Variants in FYCO1 observed in about 807,000 individuals in gnomAD.
FYCO1 encodes the protein FYVE and coiled-coil domain autophagy adaptor 1, also known as FYVE and coiled-coil domain-containing protein 1.
In FYCO1, 122 loss-of-function variants were observed where a neutral mutation model predicts 165.1. That is an observed-to-expected ratio of 0.74 (90% CI 0.64 to 0.86). FYCO1 has a LOEUF of 0.86. FYCO1 is among the 40% of genes least tolerant of loss of function. The probability of loss-of-function intolerance (pLI) is 0.00; values close to 1 mark genes in which losing one functional copy is unlikely to be tolerated. For missense variants in FYCO1, 1,702 were observed against 1,810.3 expected (o/e 0.94, Z 1.09); for synonymous variants, 648 against 742.5 (o/e 0.87, Z 2.07).
At chr3:45,974,760 A>ACTGCACACCTGACCTGAGCT (rs1706641835) in intron 5 of FYCO1, among the ~76,000 whole-genome samples, 1 of 152,058 alleles carries the variant, frequency 6.6e-6, no homozygotes, top group African/African-American at 2.4e-5. Flanking sequence ...ACAAAGGCTG[A>ACTGCACACCTGACCTGAGCT]CTGCACACCT....
intron 15 of FYCO1, 112 bp from the exon 16 acceptor site, chr3:45,931,393 G>T: frequency 1.0e-6 from 1 of 976,200 alleles, no homozygotes; most frequent in Non-Finnish European, 1.6e-6. Flanking sequence ...CTCTTGAGAG[G>T]ACAAGCCCTG....
At chr3:45,985,105 C>T in intron 1 of FYCO1, 83 bp from the exon 2 acceptor site, 1 of 680,932 alleles carries the variant, frequency 1.5e-6, no homozygotes, top group Middle Eastern at 3.8e-4. Flanking sequence ...GCTCTGGGCA[C>T]AAAGGTCACC....
At position 45,970,917 on chromosome 3, in the gene FYCO1, T is replaced by C. The variant is rs564954708; in HGVS notation, c.540-1152A>G. On this transcript the variant is annotated intron_variant, in intron 6 of 17. Transcript: ENST00000296137. The stretch of plus-strand genomic sequence containing the variant: ...TATACATATATAAAATATTTACAAA[T>C]ACACAATTAATAATGAAAGCATAAG... Among the ~76,000 whole-genome samples, 7 of 151,978 alleles carry C rather than the reference T, an allele frequency of 4.6e-5. No individual in the cohort carries two copies. In the South Asian group the frequency reaches 1.5e-3, roughly 32 times the overall value.
At chr3:45,926,936 C>T (rs1365991284) in intron 16 of FYCO1, among the ~76,000 whole-genome samples, 1 of 149,920 alleles carries the variant, frequency 6.7e-6, no homozygotes, top group East Asian at 2.0e-4. Flanking sequence ...TGCACTCCAG[C>T]CTGGGCAACA....
chr3:45,964,676 G>C lies in FYCO1; in HGVS notation c.3151-222C>G, dbSNP rs920680421. On this transcript the variant is annotated intron_variant, in intron 9 of 17. Coordinates refer to ENST00000296137, the MANE Select transcript of FYCO1 (RefSeq NM_024513.4). This position sits in a 1 kb window ranked among gnomAD's most constrained non-coding sequence, Gnocchi z 4.1. ...CAAGTGGCAGGTACCAGAATTCCCA[G>C]GGTAACACTGAAGGTAGGGGTGGCA... is the stretch of plus-strand genomic sequence containing the variant. 4 of 376,824 alleles carry C rather than the reference G, an allele frequency of 1.1e-5. No homozygotes were observed. In the Admixed American group the frequency reaches 2.6e-4, roughly 24 times the overall value. The allele number at this position is 376,824 out of a possible 1,614,324, so 23.3% of individuals were successfully genotyped here. A position where few individuals can be genotyped will look rare whatever the true frequency, so the allele number is the denominator to read the frequency against.
intron 6 of FYCO1, among the ~76,000 whole-genome samples, chr3:45,970,249 T>C (rs999077485): frequency 2.6e-5 from 4 of 152,344 alleles, no homozygotes; most frequent in Admixed American, 6.5e-5. Context: ...GAAAGTTCCA[T>C]TGGATGGCAC....
At chr3:45,931,304 G>C in intron 15 of FYCO1, 23 bp from the exon 16 acceptor site, 4 of 1,607,776 alleles carry the variant, frequency 2.5e-6, no homozygotes, top group Non-Finnish European at 3.4e-6. Context: ...TACAGAGAGG[G>C]ACCTGATTGA....
intron 6 of FYCO1, among the ~76,000 whole-genome samples, chr3:45,970,626 G>GCTATATGGTCTCTGTCACTCAA (rs1706369018): frequency 6.6e-6 from 1 of 152,046 alleles, no homozygotes; most frequent in Non-Finnish European, 1.5e-5. Context: ...GGTCTTGTGG[G>GCTATATGGTCTCTGTCACTCAA]CTATATGGTC....
At chr3:45,953,626 G>A (rs1552490) in intron 14 of FYCO1, among the ~76,000 whole-genome samples, 56,600 of 151,832 alleles carry the variant, frequency 0.37, 11,530 homozygotes, top group East Asian at 0.65. Context: ...TATCCTTGCC[G>A]TGGCTGCTTT....
intron 11 of FYCO1, 148 bp from the exon 12 acceptor site, chr3:45,959,690 C>T: frequency 5.9e-6 from 5 of 848,794 alleles, no homozygotes; most frequent in South Asian, 4.4e-5. Flanking sequence ...CCAGCCCATG[C>T]TAAGTCTCCT....
At position 45,968,057 on chromosome 3, in the gene FYCO1, G is replaced by T. The variant is rs1305335097; in HGVS notation, c.1277C>A (p.Ala426Asp). Residue 426 changes from alanine (A) to aspartate (D), a missense_variant, in exon 8 of 18, where the codon GCC becomes GAC. By Grantham distance (126) the Ala-to-Asp change is moderately radical. Transcript: ENST00000296137. ...CTCCTTGACCAGCTGTTCCAGTTGG[G>T]CACTCTGCTGTCTGTTGACCTCCTC... ...KVEEVNRQQS[A>D]QLEQLVKELQ... is the part of the protein sequence containing the mutation. 6.2e-7 allele frequency: 1 copy of T among 1,614,096 alleles called. No homozygotes were observed. The highest frequency in any genetic ancestry group is 2.2e-5 in the East Asian group (1 of 44,872).
chr3:45,980,417 G>A (rs1211519299), intron 3 of FYCO1, among the ~76,000 whole-genome samples: 1 of 151,776 alleles, frequency 6.6e-6, no homozygotes, highest in Non-Finnish European at 1.5e-5. Context: ...ACTATGCTTC[G>A]ACTTAGGGAA....
rs1235389398 is a variant in FYCO1, at chr3:45,962,427, A to G, written c.3270-35T>C. 2 of 1,602,324 alleles carry G rather than the reference A, an allele frequency of 1.2e-6. No individual in the cohort carries two copies. Among genetic ancestry groups the G allele is most frequent in the African/African-American group, 2.7e-5 (2 of 74,450 alleles). ...GAGTGGTAAGTTTTCTTGATTAGCC[A>G]GGACTTCCAGCTTTCCCAGGGCTCT... On this transcript the variant is annotated intron_variant, in intron 10 of 17. Coordinates refer to ENST00000296137, the MANE Select transcript of FYCO1 (RefSeq NM_024513.4). This position sits in a 1 kb window ranked among gnomAD's most constrained non-coding sequence, Gnocchi z 4.4.
chr3:45,922,713 G>A (rs1014461845), intron 17 of FYCO1, among the ~76,000 whole-genome samples: 1 of 152,166 alleles, frequency 6.6e-6, no homozygotes, highest in Non-Finnish European at 1.5e-5. Flanking sequence ...CTCCTCTGGT[G>A]GGCACTCTTG....
chr3:45,991,648 G>A (rs1419402359), intron 1 of FYCO1, among the ~76,000 whole-genome samples: 2 of 143,750 alleles, frequency 1.4e-5, no homozygotes, highest in Non-Finnish European at 3.1e-5. Context: ...AGGAGGAAGT[G>A]TGAACCACAG....
chr3:45,936,586 AC>A, intron 14 of FYCO1, 43 bp from the exon 15 acceptor site: 8 of 1,388,212 alleles, frequency 5.8e-6, no homozygotes, highest in Non-Finnish European at 8.2e-6. Context: ...AGCTATCAAC[AC>A]ACAGGGTCTC....
At chr3:45,969,595 A>G (rs1706302973) in intron 7 of FYCO1, 80 bp downstream of exon 7, 2 of 1,089,914 alleles carry the variant, frequency 1.8e-6, no homozygotes, top group Non-Finnish European at 2.8e-6. Flanking sequence ...ATCTGAGAAC[A>G]TCACCCTTGA....
intron 14 of FYCO1, 75 bp from the exon 15 acceptor site, chr3:45,936,618 T>A: frequency 9.3e-7 from 1 of 1,078,226 alleles, no homozygotes. Flanking sequence ...GTCCGCAGTC[T>A]TGGAGTCACA....
At chr3:45,927,290 C>T (rs1052261670) in intron 16 of FYCO1, among the ~76,000 whole-genome samples, 1 of 152,188 alleles carries the variant, frequency 6.6e-6, no homozygotes, top group Non-Finnish European at 1.5e-5. Context: ...TAAGAAAACA[C>T]CTCTCAAACT....
Sources: gnomAD v4.1 joint callset for allele counts (sites outside exome capture counted in the v4.1 genomes callset) on GRCh38, gnomAD v4.1.1 for gene constraint, Gnocchi (gnomAD v3.1) non-coding constraint, MANE v1.5 for transcripts, NCBI Gene and HGNC (gene_info 2026-07-23, HGNC 2026-07-21) for gene names.